Variants in ABCC8 observed in about 807,000 individuals in gnomAD.
The protein encoded by ABCC8 is ATP-binding cassette sub-family C member 8.
ABCC8 carries 137 observed loss-of-function variants against 188.0 expected under a neutral mutation model. That is an observed-to-expected ratio of 0.73 (90% CI 0.63 to 0.84). The LOEUF (loss-of-function observed/expected upper bound fraction) is 0.84. ABCC8 is among the 40% of genes least tolerant of loss of function. ABCC8 has a pLI of 0.00. For synonymous variants in ABCC8, 797 were observed against 846.5 expected (o/e 0.94, Z 1.01); for missense variants, 1,750 against 2,072.7 (o/e 0.84, Z 3.02).
intron 29 of ABCC8, among the ~76,000 whole-genome samples, chr11:17,399,288 A>AC (rs1435234370): frequency 1.4e-5 from 2 of 145,722 alleles, no homozygotes; most frequent in African/African-American, 2.7e-5. Flanking sequence ...AAAAAAAAAA[A>AC]AAAAAAAAAA....
chr11:17,472,528 C>A (rs77544629), intron 2 of ABCC8, among the ~76,000 whole-genome samples: 2 of 152,178 alleles, frequency 1.3e-5, no homozygotes, highest in South Asian at 4.1e-4. Flanking sequence ...TTCCAGACAG[C>A]TCTGAAAACC....
intron 29 of ABCC8, chr11:17,398,914 C>T (rs1367313988): frequency 4.5e-6 from 1 of 220,272 alleles, no homozygotes; most frequent in Non-Finnish European, 9.1e-6. Context: ...ATGCTCCACA[C>T]AGTGGCTGGC....
At chr11:17,422,359 T>C (rs1955385430) in intron 16 of ABCC8, among the ~76,000 whole-genome samples, 1 of 152,218 alleles carries the variant, frequency 6.6e-6, no homozygotes, top group South Asian at 2.1e-4. Context: ...CAGTCCATCA[T>C]CCTTTGTCAT....
chr11:17,406,746 C>T lies in ABCC8; in HGVS notation c.3205G>A (p.Val1069Met), dbSNP rs775717257. Residue 1069 changes from valine to methionine, a missense_variant, in exon 26 of 39, where the codon GTG becomes ATG. Transcript: ENST00000389817. ...DQTVYAMVFT[V>M]LCSLGIVLCL... is the part of the protein sequence containing the mutation. ...AGCACAATGCCCAGGCTGCAGAGCA[C>T]CGTGAACACCATGGCATAGACAGTC... 6.2e-7 allele frequency: 1 copy of T among 1,614,210 alleles called. No homozygotes were observed. Among genetic ancestry groups the T allele is most frequent in the African/African-American group, 1.3e-5 (1 of 75,046 alleles).
intron 6 of ABCC8, among the ~76,000 whole-genome samples, chr11:17,457,125 C>T (rs1377626183): frequency 6.6e-6 from 1 of 152,202 alleles, no homozygotes; most frequent in Non-Finnish European, 1.5e-5. Context: ...CTAGGCCAGA[C>T]CAGCTGCATG....
rs1484689392 is a variant in ABCC8, at chr11:17,412,701, G to C, written c.2521C>G (p.Arg841Gly). ...GGQRQRISVA[R>G]ALYQHANVVF... ...ACGTTGGCGTGCTGGTAGAGGGCTC[G>C]GGCCACACTGATTCGCTGGCGTTGA... The change falls in exon 21 of 39, where the codon CGA becomes GGA. Residue 841 changes from arginine to glycine, a missense_variant. Arg to Gly is a moderately radical substitution (Grantham distance 125, BLOSUM62 -2). Transcript: ENST00000389817. The C allele has an allele frequency of 1.2e-6, 2 of 1,612,030 alleles. No homozygotes were observed. Among genetic ancestry groups the C allele is most frequent in the Non-Finnish European group, 1.7e-6 (2 of 1,179,140 alleles).
chr11:17,459,864 A>G (rs188341054), intron 6 of ABCC8, among the ~76,000 whole-genome samples: 171 of 152,360 alleles, frequency 1.1e-3, no homozygotes, highest in Admixed American at 4.6e-3. Flanking sequence ...TGCCAAGGCC[A>G]TTGGATATAA....
chr11:17,394,376 C>T lies in ABCC8; in HGVS notation c.4435G>A (p.Glu1479Lys). ...TGCCTCTGTCCCTGGCTGAAATTCT[C>T]CCCGCCTTCTGTGATGATGGCATCT... is the stretch of plus-strand genomic sequence containing the variant. ...GLDAIITEGG[E>K]NFSQGQRQLF... The change falls in exon 37 of 39, where the codon GAG becomes AAG. Residue 1479 changes from glutamate (E) to lysine (K), a missense_variant. Coordinates refer to ENST00000389817, the MANE Select transcript of ABCC8 (RefSeq NM_000352.6). 3 of 1,614,204 alleles carry T rather than the reference C, an allele frequency of 1.9e-6. No homozygotes were observed. The highest frequency in any genetic ancestry group is 2.5e-6 in the Non-Finnish European group (3 of 1,180,050).
chr11:17,409,343 C>A (rs1206090276), intron 22 of ABCC8, among the ~76,000 whole-genome samples: 1 of 152,084 alleles, frequency 6.6e-6, no homozygotes, highest in African/African-American at 2.4e-5. Context: ...TGCCCTCACC[C>A]CCTCCCGCCC....
rs142471411 is a variant in ABCC8, at chr11:17,427,569, C to A, written c.2116+298G>T. Among the ~76,000 whole-genome samples, 42 of 152,328 alleles carry A rather than the reference C, an allele frequency of 2.8e-4. No individual in the cohort carries two copies. In the East Asian group the frequency reaches 8.1e-3, roughly 29 times the overall value. On this transcript the variant is annotated intron_variant, in intron 15 of 38. Transcript: ENST00000389817. This position sits in a 1 kb window ranked among gnomAD's most constrained non-coding sequence, Gnocchi z 5.0. The stretch of plus-strand genomic sequence containing the variant: ...CTTTGTCCATTCTCAGAAACCCCAT[C>A]ACTTCCACTTGCGTTCCTTGGCTAC...
intron 3 of ABCC8, among the ~76,000 whole-genome samples, chr11:17,464,870 C>T (rs550420976): frequency 6.6e-6 from 1 of 152,332 alleles, no homozygotes; most frequent in Admixed American, 6.5e-5. Flanking sequence ...CAGAGCCCCT[C>T]TCCAGAGGAC....
rs773454094 is a variant in ABCC8, at chr11:17,463,556, A to G, written c.461T>C (p.Phe154Ser). Residue 154 changes from phenylalanine to serine, a missense_variant, in exon 4 of 39, where the codon TTT becomes TCT. Coordinates refer to ENST00000389817, the MANE Select transcript of ABCC8 (RefSeq NM_000352.6). ...TLAFITKTIK[F>S]VKFLDHAIGF... ...GATGGCGTGGTCCAAGAACTTGACA[A>G]ACTTGATGGTCTTGGTGATGAAGGC... 1 of 1,594,436 alleles carries G rather than the reference A, an allele frequency of 6.3e-7. No homozygotes were observed. Among genetic ancestry groups the G allele is most frequent in the Non-Finnish European group, 8.5e-7 (1 of 1,170,426 alleles).
intron 21 of ABCC8, 28 bp from the exon 22 acceptor site, chr11:17,410,681 G>A: frequency 6.2e-7 from 1 of 1,613,884 alleles, no homozygotes; most frequent in Non-Finnish European, 8.5e-7. Flanking sequence ...GAAGAGAGTA[G>A]AGGGTAGGGA....
At chr11:17,451,538 G>T (rs141585952) in intron 7 of ABCC8, among the ~76,000 whole-genome samples, 1 of 152,310 alleles carries the variant, frequency 6.6e-6, no homozygotes, top group Non-Finnish European at 1.5e-5. Flanking sequence ...CTCTGACATT[G>T]TCCCCAGCCC....
chr11:17,439,743 C>A (rs1956241108), intron 10 of ABCC8, among the ~76,000 whole-genome samples: 1 of 152,210 alleles, frequency 6.6e-6, no homozygotes, highest in Admixed American at 6.5e-5. Flanking sequence ...CAGGGACCAA[C>A]CTGGGCTGCT....
intron 4 of ABCC8, among the ~76,000 whole-genome samples, chr11:17,463,216 C>T (rs1436566139): frequency 6.6e-6 from 1 of 152,194 alleles, no homozygotes; most frequent in Non-Finnish European, 1.5e-5. Flanking sequence ...CACCCATCAC[C>T]CCCCTCTCCC....
In ABCC8 at chr11:17,395,421, A is replaced by G. The variant is rs1294760665; in HGVS notation, c.4308-146T>C. The stretch of plus-strand genomic sequence containing the variant: ...GAGGTGGTGGCAGTGGGTGGGGGAC[A>G]GCATCTTAGACCCATGGGTGGGGGA... On this transcript the variant is annotated intron_variant, in intron 35 of 38. Coordinates refer to ENST00000389817, the MANE Select transcript of ABCC8 (RefSeq NM_000352.6). The G allele has an allele frequency of 8.0e-6, 12 of 1,501,230 alleles. No individual in the cohort carries two copies. In the East Asian group the frequency reaches 3.0e-4, roughly 37 times the overall value. The allele number at this position is 1,501,230 out of a possible 1,614,324, so 93.0% of individuals were successfully genotyped here.
chr11:17,410,470 TC>T (rs1954754945), intron 22 of ABCC8, 45 bp downstream of exon 22: 1 of 1,602,492 alleles, frequency 6.2e-7, no homozygotes, highest in African/African-American at 1.3e-5. Flanking sequence ...CCTGACAGCC[TC>T]CCCAGCCCTG....
chr11:17,392,983 C>G lies in ABCC8; in HGVS notation c.*8G>C. 1 of 1,614,054 alleles carries G rather than the reference C, an allele frequency of 6.2e-7. No homozygotes were observed. Among genetic ancestry groups the G allele is most frequent in the South Asian group, 1.1e-5 (1 of 91,084 alleles). On this transcript the variant is annotated 3_prime_UTR_variant, in exon 39 of 39. Transcript: ENST00000389817. Reference sequence around the variant, plus strand: ...CCGAATGTGGGATGGCACTTGGGCTCTGGCAGGTCACTTGTCTGCACGGAC... The same window carrying G: ...CCGAATGTGGGATGGCACTTGGGCTGTGGCAGGTCACTTGTCTGCACGGAC...
Sources: gnomAD v4.1 joint callset for allele counts (sites outside exome capture counted in the v4.1 genomes callset) on GRCh38, gnomAD v4.1.1 for gene constraint, Gnocchi (gnomAD v3.1) non-coding constraint, MANE v1.5 for transcripts, NCBI Gene and HGNC (gene_info 2026-07-23, HGNC 2026-07-21) for gene names.